TNRC18: variants seen among roughly 807,000 people sequenced by gnomAD.
TNRC18 encodes the protein trinucleotide repeat-containing gene 18 protein.
In TNRC18, 69 loss-of-function variants were observed where a neutral mutation model predicts 226.7. That is an observed-to-expected ratio of 0.30 (90% confidence interval 0.25 to 0.37). TNRC18 has a LOEUF of 0.37. Among genes scored for constraint, TNRC18 ranks in the 10% least tolerant of loss-of-function variants. The pLI is 1.00. For synonymous variants in TNRC18, 2,449 were observed against 1,927.6 expected, an observed-to-expected ratio of 1.27 and a Z score of -7.09; for missense variants, 4,754 against 4,256.6, an observed-to-expected ratio of 1.12 and a Z score of -3.25.
At position 5,370,411 on chromosome 7, in the gene TNRC18, C is replaced by T; in HGVS notation, c.4183G>A (p.Glu1395Lys). 1.3e-6 allele frequency: 2 copies of T among 1,551,940 alleles called. No homozygotes were observed. The highest frequency in any genetic ancestry group is 1.7e-6 in the Non-Finnish European group (2 of 1,147,234). ...TGGCTCCTCCTCTCCAGCTCCAGCTCTGCGATCTCACTTAGCAGGGTGATG... is the reference window on the plus strand; with the variant it reads ...TGGCTCCTCCTCTCCAGCTCCAGCTTTGCGATCTCACTTAGCAGGGTGATG... ...HGITLLSEIA[E>K]LELERRSQEM... The change falls in exon 11 of 30, where the codon GAG (glutamate) becomes AAG (lysine). Residue 1395 changes from glutamate to lysine, a missense_variant. Coordinates refer to ENST00000430969, the MANE Select transcript of TNRC18 (RefSeq NM_001080495.3).
chr7:5,414,561 C>T (rs1446087775), intron 2 of TNRC18, among the ~76,000 whole-genome samples: 3 of 151,994 alleles, frequency 2.0e-5, no homozygotes, highest in South Asian at 2.1e-4. Flanking sequence ...TGCAGGCACC[C>T]GCCACCACGC....
rs543747269 is a variant in TNRC18, at chr7:5,315,254, G to A, written c.6863-106C>T. On this transcript the variant is annotated intron_variant, in intron 25 of 29. Coordinates refer to ENST00000430969, the MANE Select transcript of TNRC18 (RefSeq NM_001080495.3). ...ATCAGGGATGGGGGCGGAAGCAACC[G>A]ACACCAGGTGGCTGACCCCGGATGG... 12 of 1,260,012 alleles carry A rather than the reference G, an allele frequency of 9.5e-6. No individual in the cohort carries two copies. In the South Asian group the frequency reaches 1.1e-4, roughly 12 times the overall value. The allele number at this position is 1,260,012 out of a possible 1,614,324, so 78.1% of individuals were successfully genotyped here. A position where few individuals can be genotyped will look rare whatever the true frequency, so the allele number is the denominator to read the frequency against.
At chr7:5,330,879 T>G (rs1789457709) in intron 19 of TNRC18, among the ~76,000 whole-genome samples, 1 of 152,120 alleles carries the variant, frequency 6.6e-6, no homozygotes. Context: ...TTCGTCATGT[T>G]GGCCAGGCTG....
In TNRC18 at chr7:5,387,954, C is replaced by G. The variant is rs757238893; in HGVS notation, c.1870G>C (p.Ala624Pro). ...CGGGAGGCACCCGCAGAGGTGGGCG[C>G]AGGCTCGGGTTTCATGGTGCCCAAA... ...GGLGTMKPEP[A>P]PTSAGASRAQ... Residue 624 changes from alanine to proline, a missense_variant, in exon 5 of 30, where the codon GCG (alanine) becomes CCG (proline). Physicochemically the swap from Ala to Pro is conservative, Grantham distance 27. Transcript: ENST00000430969. The G allele has an allele frequency of 1.9e-6, 3 of 1,597,932 alleles. No homozygotes were observed. The highest frequency in any genetic ancestry group is 1.7e-6 in the Non-Finnish European group (2 of 1,173,374).
At chr7:5,329,097 G>A (rs574438706) in intron 19 of TNRC18, among the ~76,000 whole-genome samples, 3 of 152,104 alleles carry the variant, frequency 2.0e-5, no homozygotes, top group African/African-American at 7.2e-5. Flanking sequence ...GAGGTCAGGA[G>A]TTCGAGACGA....
In TNRC18 at chr7:5,388,632, G is replaced by T; in HGVS notation, c.1192C>A (p.Arg398=). 7.8e-7 allele frequency: 1 copy of T among 1,278,186 alleles called. No individual in the cohort carries two copies. Among genetic ancestry groups the T allele is most frequent in the Non-Finnish European group, 9.9e-7 (1 of 1,011,300 alleles). The allele number at this position is 1,278,186 out of a possible 1,614,324, so 79.2% of individuals were successfully genotyped here. The part of the protein sequence containing the change: ...IQIASQARDA[R]AREREAGRPG... ...CTGCCAGCCTCGCGCTCGCGGGCCC[G>T]GGCATCGCGCGCCTGGGATGCGATC... The change falls in exon 5 of 30, where the codon CGG becomes AGG. Residue 398 remains arginine (R), a synonymous_variant. Transcript: ENST00000430969.
chr7:5,347,353 A>ATT (rs574068264), intron 17 of TNRC18, among the ~76,000 whole-genome samples: 18 of 135,660 alleles, frequency 1.3e-4, no homozygotes, highest in East Asian at 4.4e-4. Context: ...CACCAGGCTA[A>ATT]TTTTTTTTTT....
In TNRC18 at chr7:5,388,261, C is replaced by A. The variant is rs768841976; in HGVS notation, c.1563G>T (p.Thr521=). Residue 521 remains threonine (T), a synonymous_variant, in exon 5 of 30, where the codon ACG becomes ACT. Transcript: ENST00000430969. ...GCTGCGCGGCCAGCACGGCCATCTG[C>A]GTGGCGGCGAAGTTGCCCAGCTCGA... ...KPFELGNFAA[T]QMAVLAAQHH... is the part of the protein sequence containing the mutation. The A allele has an allele frequency of 3.9e-6, 6 of 1,527,842 alleles. 1 individual carries two copies. In the South Asian group the frequency reaches 5.6e-5, roughly 14 times the overall value. 94.6% of individuals were successfully genotyped at this position (1,527,842 alleles called of 1,614,324 possible).
chr7:5,404,660 G>A (rs1446414158), intron 2 of TNRC18, among the ~76,000 whole-genome samples: 2 of 151,996 alleles, frequency 1.3e-5, no homozygotes, highest in African/African-American at 4.8e-5. Context: ...CCCTCCCAAG[G>A]AAACAGGCAG....
chr7:5,371,130 T>C lies in TNRC18; in HGVS notation c.3464A>G (p.Glu1155Gly). Residue 1155 changes from glutamate to glycine, a missense_variant, in exon 11 of 30, where the codon GAG becomes GGG. Glu to Gly is a moderately conservative substitution (Grantham distance 98). Transcript: ENST00000430969. Reference protein sequence around the residue: ...REGPEEEPLAEREVKAEVEDM... With the variant: ...REGPEEEPLAGREVKAEVEDM... ...CTCCACCTCTGCCTTCACCTCCCGCTCAGCCAGCGGTTCTTCCTCCGGGCC... is the reference window on the plus strand; with the variant it reads ...CTCCACCTCTGCCTTCACCTCCCGCCCAGCCAGCGGTTCTTCCTCCGGGCC... 2 of 1,611,908 alleles carry C rather than the reference T, an allele frequency of 1.2e-6. No individual in the cohort carries two copies. The highest frequency in any genetic ancestry group is 1.7e-6 in the Non-Finnish European group (2 of 1,178,836).
chr7:5,388,859 T>G lies in TNRC18; in HGVS notation c.965A>C (p.Glu322Ala). ...GGGGCGCGGCCCAGGGAGCAGGGTCTCCGTGCGCCGCAGCAGCCGCGCGCC... is the reference window on the plus strand; with the variant it reads ...GGGGCGCGGCCCAGGGAGCAGGGTCGCCGTGCGCCGCAGCAGCCGCGCGCC... The part of the protein sequence containing the change: ...DEGARLLRRT[E>A]TLLPGPRPCP... The change falls in exon 5 of 30, where the codon GAG (glutamate) becomes GCG (alanine). Residue 322 changes from glutamate (E) to alanine (A), a missense_variant. Physicochemically the swap from Glu to Ala is moderately radical, Grantham distance 107. Coordinates refer to ENST00000430969, the MANE Select transcript of TNRC18 (RefSeq NM_001080495.3). 2.4e-6 allele frequency: 3 copies of G among 1,272,418 alleles called. No individual in the cohort carries two copies. Among genetic ancestry groups the G allele is most frequent in the Non-Finnish European group, 3.0e-6 (3 of 1,005,730 alleles). 78.8% of individuals were successfully genotyped at this position (1,272,418 alleles called of 1,614,324 possible).
intron 10 of TNRC18, among the ~76,000 whole-genome samples, chr7:5,372,192 CA>C (rs1239046937): frequency 1.3e-5 from 2 of 152,006 alleles, no homozygotes; most frequent in African/African-American, 4.8e-5. Flanking sequence ...CTCACCCTCC[CA>C]AGTAGCTGGG....
chr7:5,323,962 C>G (rs1193794728), intron 21 of TNRC18, among the ~76,000 whole-genome samples: 1 of 152,216 alleles, frequency 6.6e-6, no homozygotes, highest in Non-Finnish European at 1.5e-5. Flanking sequence ...CACGGAACTC[C>G]TTCCCAAGCC....
intron 2 of TNRC18, among the ~76,000 whole-genome samples, chr7:5,402,326 G>A (rs1781163330): frequency 6.6e-6 from 1 of 151,590 alleles, no homozygotes; most frequent in Non-Finnish European, 1.5e-5. Context: ...TTGAGGTCAG[G>A]AGTTTGAGAC....
At chr7:5,378,112 G>GC in intron 5 of TNRC18, 88 bp from the exon 6 acceptor site, 2 of 1,006,796 alleles carry the variant, frequency 2.0e-6, no homozygotes, top group Non-Finnish European at 3.0e-6. Context: ...CCCTCCCTGG[G>GC]CCCCCCAGAG....
chr7:5,307,878 G>T lies in TNRC18; in HGVS notation c.*228C>A. ...GATAGCTAAGAGGGGCCCCTGTCCT[G>T]GGGGCACTGAGGGGTTGGAAGGTGG... On this transcript the variant is annotated 3_prime_UTR_variant, in exon 30 of 30. Transcript: ENST00000430969. The T allele has an allele frequency of 3.5e-6, 2 of 574,234 alleles. No individual in the cohort carries two copies. Among genetic ancestry groups the T allele is most frequent in the Non-Finnish European group, 6.3e-6 (2 of 319,968 alleles). 35.6% of individuals were successfully genotyped at this position (574,234 alleles called of 1,614,324 possible).
chr7:5,357,916 G>A (rs970515239), intron 15 of TNRC18, among the ~76,000 whole-genome samples: 1 of 152,188 alleles, frequency 6.6e-6, no homozygotes, highest in African/African-American at 2.4e-5. Context: ...TTAAATAGCT[G>A]GTGCTGTGGT....
In TNRC18 at chr7:5,313,312, G is replaced by A. The variant is rs1387810390; in HGVS notation, c.7579C>T (p.Gln2527Ter). ...AACGTGAGCCCCGGCCCGGGCTCCT[G>A]GGCGAGGTCCCCGTCGGTGGCCTTG... Reference protein sequence around the residue: ...WPKATDGDLAQEPGPGLTFED... With the variant: ...WPKATDGDLA The change falls in exon 27 of 30, where the codon CAG becomes TAG. Residue 2527 changes from glutamine to a stop codon, truncating the protein, a stop_gained. Coordinates refer to ENST00000430969, the MANE Select transcript of TNRC18 (RefSeq NM_001080495.3). LOFTEE classifies it high-confidence loss of function. The A allele has an allele frequency of 6.5e-7, 1 of 1,549,244 alleles. No individual in the cohort carries two copies.
chr7:5,311,929 GTT>G (rs1265068004), intron 27 of TNRC18, among the ~76,000 whole-genome samples: 1 of 151,914 alleles, frequency 6.6e-6, no homozygotes, highest in Non-Finnish European at 1.5e-5. Flanking sequence ...GGCCAGGAGA[GTT>G]TGAGATCATC....
Sources: allele counts gnomAD v4.1 joint callset (sites outside exome capture counted in the v4.1 genomes callset), GRCh38; gene constraint gnomAD v4.1.1; transcripts MANE v1.5; gene names NCBI Gene and HGNC (gene_info 2026-07-23, HGNC 2026-07-21).